MCPH1: variants seen among roughly 807,000 people sequenced by gnomAD.
MCPH1 encodes the protein microcephalin.
Under a neutral mutation model 84.5 loss-of-function variants are expected in MCPH1, and 104 were observed. The ratio of observed to expected loss-of-function variants is 1.23; its 90% CI spans 1.05 to 1.45. The LOEUF is 1.45. MCPH1 is among the 40% of genes most tolerant of loss of function. The probability of loss-of-function intolerance (pLI) is 0.00; values close to 1 mark genes in which losing one functional copy is unlikely to be tolerated. For missense variants in MCPH1, 1,498 were observed against 1,005.7 expected, an observed-to-expected ratio of 1.49 and a Z score of -6.62; for synonymous variants, 514 against 366.8, an observed-to-expected ratio of 1.40 and a Z score of -4.58.
At chr8:6,609,917 C>G (rs1290590714) in intron 12 of MCPH1, among the ~76,000 whole-genome samples, 1 of 151,208 alleles carries the variant, frequency 6.6e-6, no homozygotes, top group Non-Finnish European at 1.5e-5. Flanking sequence ...CCATCACCTC[C>G]TTTTTTGTCT....
chr8:6,488,846 G>C (rs1017160360), intron 11 of MCPH1, among the ~76,000 whole-genome samples: 7 of 152,090 alleles, frequency 4.6e-5, no homozygotes, highest in Non-Finnish European at 1.0e-4. Context: ...GAGGCAGCTA[G>C]GGTCATCGAG....
intron 12 of MCPH1, among the ~76,000 whole-genome samples, chr8:6,577,847 A>G (rs1280647339): frequency 2.0e-5 from 3 of 152,206 alleles, no homozygotes; most frequent in Admixed American, 6.5e-5. Context: ...CTCCCTACAG[A>G]GCTAAGTGAT....
At chr8:6,507,449 T>G (rs1482138627) in intron 12 of MCPH1, 1 of 152,202 alleles carries the variant, frequency 6.6e-6, no homozygotes, top group Non-Finnish European at 1.5e-5. Flanking sequence ...CTTTCAGTGT[T>G]TTTCAAGAAC....
rs542137461 is a variant in MCPH1 at position 6,422,545 on chromosome 8, ACT to A, written c.233+7665_233+7666del. On this transcript the variant is annotated intron_variant, in intron 3 of 13. Transcript: ENST00000344683. ...GTTCTGCTGAGAGTTAGGGATTCTTACTCTGCTTTGCTGGCCCAGCCCCTGAC... is the reference window on the plus strand; with the variant it reads ...GTTCTGCTGAGAGTTAGGGATTCTTACTGCTTTGCTGGCCCAGCCCCTGAC... Among the ~76,000 whole-genome samples, 11 of 151,988 alleles carry A rather than the reference ACT, an allele frequency of 7.2e-5. No individual in the cohort carries two copies. In the South Asian group the frequency reaches 2.3e-3, roughly 32 times the overall value.
chr8:6,506,900 A>G (rs1323845320), intron 12 of MCPH1, among the ~76,000 whole-genome samples: 49 of 150,848 alleles, frequency 3.2e-4, no homozygotes, highest in Non-Finnish European at 5.9e-5. Flanking sequence ...ACTGTTAATG[A>G]TGCTTTTTTT....
chr8:6,502,273 C>T (rs1430141118), intron 12 of MCPH1: 4 of 152,024 alleles, frequency 2.6e-5, no homozygotes, highest in African/African-American at 9.7e-5. Flanking sequence ...TAAATATTAT[C>T]ATAAAAGTTA....
chr8:6,533,052 C>T lies in MCPH1; in HGVS notation c.2214+33123C>T, dbSNP rs183460292. 1.6e-4 allele frequency among the ~76,000 whole-genome samples: 24 copies of T among 152,352 alleles called. No homozygotes were observed. In the East Asian group the frequency reaches 3.7e-3, roughly 23 times the overall value. On this transcript the variant is annotated intron_variant, in intron 12 of 13. Transcript: ENST00000344683. ...TCCACATTCTGTGGGGTCTTCCCCA[C>T]CTTCCTCCGTATTGAGTTAATTCGA...
At chr8:6,533,419 C>G (rs745438290) in intron 12 of MCPH1, among the ~76,000 whole-genome samples, 1 of 152,110 alleles carries the variant, frequency 6.6e-6, no homozygotes, top group African/African-American at 2.4e-5. Flanking sequence ...AGTCTTGGTT[C>G]TAGGAAAGTT....
chr8:6,473,320 C>CTTTT (rs56077837), intron 9 of MCPH1, among the ~76,000 whole-genome samples: 9 of 76,394 alleles, frequency 1.2e-4, no homozygotes, highest in East Asian at 5.4e-4. Flanking sequence ...TCTCTCAATC[C>CTTTT]TTTTTTTTTT....
intron 13 of MCPH1, among the ~76,000 whole-genome samples, chr8:6,638,602 T>C (rs1283025261): frequency 6.6e-6 from 1 of 152,094 alleles, no homozygotes; most frequent in African/African-American, 2.4e-5. Context: ...AAAATTTTTT[T>C]TTTAATTTAA....
At chr8:6,486,791 A>G (rs1809981905) in intron 11 of MCPH1, among the ~76,000 whole-genome samples, 1 of 152,242 alleles carries the variant, frequency 6.6e-6, no homozygotes, top group African/African-American at 2.4e-5. Flanking sequence ...ACAGAAAAAT[A>G]AAGAAATTAA....
chr8:6,537,652 G>C (rs1297210159), intron 12 of MCPH1, among the ~76,000 whole-genome samples: 1 of 151,772 alleles, frequency 6.6e-6, no homozygotes, highest in Non-Finnish European at 1.5e-5. Context: ...AATTTGACAG[G>C]AAAAATAGGT....
At chr8:6,468,245 G>T (rs149308860) in intron 9 of MCPH1, among the ~76,000 whole-genome samples, 1 of 152,268 alleles carries the variant, frequency 6.6e-6, no homozygotes, top group East Asian at 1.9e-4. Context: ...GGGTAGGCTG[G>T]AATTCCCTAT....
chr8:6,609,138 A>C (rs1830029206), intron 12 of MCPH1, among the ~76,000 whole-genome samples: 1 of 151,994 alleles, frequency 6.6e-6, no homozygotes, highest in South Asian at 2.1e-4. Context: ...TTTAAGGATG[A>C]AATCAAAGTT....
intron 13 of MCPH1, chr8:6,626,431 A>T (rs1586860178): frequency 1.0e-6 from 1 of 983,874 alleles, no homozygotes; most frequent in East Asian, 1.1e-4. Flanking sequence ...TGAATCATTC[A>T]ACCAGAAGGA....
rs116662818 is a variant in MCPH1, at chr8:6,618,348, A to C, written c.2215-3106A>C. ...GGTGCTTTATTTGCTGGATAGGAAA[A>C]TTGGCCAAGATCAGAATTCTGAAGG... On this transcript the variant is annotated intron_variant, in intron 12 of 13. Coordinates refer to ENST00000344683, the MANE Select transcript of MCPH1 (RefSeq NM_024596.5). 1.2e-3 allele frequency: 179 copies of C among 152,328 alleles called. 1 individual carries two copies. The highest frequency in any genetic ancestry group is 4.2e-3 in the African/African-American group (173 of 41,578). 9.4% of individuals were successfully genotyped at this position (152,328 alleles called of 1,614,324 possible).
intron 3 of MCPH1, among the ~76,000 whole-genome samples, chr8:6,416,410 A>G (rs1409768830): frequency 6.6e-6 from 1 of 152,172 alleles, no homozygotes; most frequent in Non-Finnish European, 1.5e-5. Context: ...AAAAGCTTTC[A>G]GTATTTCATT....
At chr8:6,470,041 C>T (rs1807508319) in intron 9 of MCPH1, among the ~76,000 whole-genome samples, 1 of 152,068 alleles carries the variant, frequency 6.6e-6, no homozygotes, top group Non-Finnish European at 1.5e-5. Flanking sequence ...ATGTTTTTTT[C>T]TCATCGAATA....
intron 11 of MCPH1, among the ~76,000 whole-genome samples, chr8:6,486,655 T>C (rs1052915762): frequency 1.3e-5 from 2 of 152,228 alleles, no homozygotes; most frequent in Admixed American, 6.5e-5. Context: ...CGCTACTGTT[T>C]TCAGGAAAGA....
Sources: gnomAD v4.1 joint callset for allele counts (sites outside exome capture counted in the v4.1 genomes callset) on GRCh38, gnomAD v4.1.1 for gene constraint, MANE v1.5 for transcripts, NCBI Gene and HGNC (gene_info 2026-07-23, HGNC 2026-07-21) for gene names.